The following MFHAS1 variants were observed in gnomAD, a reference collection of about 807,000 sequenced individuals.
The protein encoded by MFHAS1 is multifunctional ROCO family signaling regulator 1.
Under a neutral mutation model 70.4 loss-of-function variants are expected in MFHAS1, and 50 were observed. That is an observed-to-expected ratio of 0.71 (90% CI 0.57 to 0.90). MFHAS1 has a LOEUF of 0.90. Among genes scored for constraint, MFHAS1 ranks in the 40% least tolerant of loss-of-function variants. The pLI, the probability that MFHAS1 is intolerant of heterozygous loss-of-function variation, is 0.00. For synonymous variants in MFHAS1, 952 were observed against 620.0 expected (o/e 1.54, Z -7.96); for missense variants, 1,795 against 1,347.6 (o/e 1.33, Z -5.20).
chr8:8,785,115 C>G lies in MFHAS1; in HGVS notation c.*907G>C, dbSNP rs976515300. ...GCAGAGCACTTTGTAAGATTCAGAA[C>G]TGACTCCTGATTATCTTAAGCCATT... On this transcript the variant is annotated 3_prime_UTR_variant, in exon 3 of 3. Transcript: ENST00000276282. 6.6e-6 allele frequency: 1 copy of G among 152,182 alleles called. No individual in the cohort carries two copies. The highest frequency in any genetic ancestry group is 2.4e-5 in the African/African-American group (1 of 41,434). The allele number at this position is 152,182 out of a possible 1,614,324, so 9.4% of individuals were successfully genotyped here.
intron 2 of MFHAS1, among the ~76,000 whole-genome samples, chr8:8,792,622 A>C (rs1429414658): frequency 1.3e-5 from 2 of 152,186 alleles, no homozygotes; most frequent in African/African-American, 4.8e-5. Flanking sequence ...ATAACCAAAA[A>C]AACAAACCAA....
intron 1 of MFHAS1, among the ~76,000 whole-genome samples, chr8:8,817,385 A>G (rs888341344): frequency 6.6e-6 from 1 of 152,256 alleles, no homozygotes; most frequent in Non-Finnish European, 1.5e-5. Context: ...CATTTGAAAT[A>G]AAAAGTATGG....
At chr8:8,849,160 A>G (rs1585050416) in intron 1 of MFHAS1, among the ~76,000 whole-genome samples, 3 of 133,762 alleles carry the variant, frequency 2.2e-5, no homozygotes, top group African/African-American at 8.4e-5. Flanking sequence ...AGCTCACTGC[A>G]ACCTCTGCCT....
chr8:8,839,704 G>C (rs534956883), intron 1 of MFHAS1, among the ~76,000 whole-genome samples: 1 of 152,154 alleles, frequency 6.6e-6, no homozygotes, highest in African/African-American at 2.4e-5. Context: ...AGGTCTGGCT[G>C]AAATAACGTA....
chr8:8,817,822 A>T (rs576399433), intron 1 of MFHAS1, among the ~76,000 whole-genome samples: 1 of 152,166 alleles, frequency 6.6e-6, no homozygotes, highest in Non-Finnish European at 1.5e-5. Flanking sequence ...TCAAGCTCCT[A>T]TGAGAACCTA....
At chr8:8,790,379 T>G in intron 2 of MFHAS1, 1 of 985,120 alleles carries the variant, frequency 1.0e-6, no homozygotes, top group Non-Finnish European at 1.2e-6. Flanking sequence ...AATGATGGCA[T>G]AAGGAAAAGA....
At chr8:8,872,448 T>A (rs1809114716) in intron 1 of MFHAS1, among the ~76,000 whole-genome samples, 1 of 152,238 alleles carries the variant, frequency 6.6e-6, no homozygotes, top group African/African-American at 2.4e-5. Context: ...TGGGGCCGGA[T>A]GCATGGCAGT....
intron 1 of MFHAS1, among the ~76,000 whole-genome samples, chr8:8,870,145 A>C (rs1809019970): frequency 6.6e-6 from 1 of 152,152 alleles, no homozygotes; most frequent in Non-Finnish European, 1.5e-5. Context: ...TTAGCTAGTG[A>C]ATAGATAGGC....
chr8:8,830,688 C>T (rs1346300274), intron 1 of MFHAS1, among the ~76,000 whole-genome samples: 4 of 152,152 alleles, frequency 2.6e-5, no homozygotes, highest in African/African-American at 7.2e-5. Flanking sequence ...GTGCAACCTC[C>T]GCCACCCGGT....
chr8:8,841,324 A>G (rs1203728185), intron 1 of MFHAS1, among the ~76,000 whole-genome samples: 1 of 151,848 alleles, frequency 6.6e-6, no homozygotes, highest in African/African-American at 2.4e-5. Context: ...AAAATACAAA[A>G]ATGAGCTGGG....
chr8:8,857,194 A>C (rs969660570), intron 1 of MFHAS1, among the ~76,000 whole-genome samples: 3 of 152,162 alleles, frequency 2.0e-5, no homozygotes, highest in African/African-American at 7.2e-5. Flanking sequence ...TAAAGATTTA[A>C]ACAGAAAGTT....
chr8:8,871,587 T>C lies in MFHAS1; in HGVS notation c.2998+18474A>G, dbSNP rs117937830. On this transcript the variant is annotated intron_variant, in intron 1 of 2. Coordinates refer to ENST00000276282, the MANE Select transcript of MFHAS1 (RefSeq NM_004225.3). ...AAACTACTTGGGGACTTGACATCTA[T>C]TCATTCATTTCCCCCTCACAACATC... Among the ~76,000 whole-genome samples, 48 of 152,316 alleles carry C rather than the reference T, an allele frequency of 3.2e-4. No homozygotes were observed. In the East Asian group the frequency reaches 8.3e-3, roughly 26 times the overall value.
At chr8:8,824,974 G>A (rs2117311151) in intron 1 of MFHAS1, among the ~76,000 whole-genome samples, 1 of 152,314 alleles carries the variant, frequency 6.6e-6, no homozygotes, top group Admixed American at 6.5e-5. Flanking sequence ...AGGTTCCCAG[G>A]CTAGACTCCT....
rs1233073267 is a variant in MFHAS1 at position 8,891,565 on chromosome 8, G to C, written c.1494C>G (p.Tyr498Ter). ...AGGTGGCCAAGTTGACCACCAGCAC[G>C]TATAGGGCCCCTGGGGACAGGAAGA... ...QPFFLSPGAL[Y>*]VLVVNLATYE... Residue 498 changes from tyrosine to a stop codon, truncating the protein, a stop_gained, in exon 1 of 3, where the codon TAC (tyrosine) becomes TAG (stop). Transcript: ENST00000276282. LOFTEE classifies it high-confidence loss of function. The surrounding 1 kb of genome is among the most constrained non-coding windows in gnomAD (Gnocchi z 5.4). The C allele has an allele frequency of 6.2e-7, 1 of 1,613,242 alleles. No homozygotes were observed. Among genetic ancestry groups the C allele is most frequent in the Admixed American group, 1.7e-5 (1 of 60,034 alleles).
At chr8:8,788,273 A>T (rs760923890) in intron 2 of MFHAS1, among the ~76,000 whole-genome samples, 9 of 152,280 alleles carry the variant, frequency 5.9e-5, no homozygotes, top group Non-Finnish European at 1.2e-4. Flanking sequence ...ACTAGAGGAT[A>T]ATTACTCAAC....
chr8:8,851,141 T>G (rs1808235618), intron 1 of MFHAS1, among the ~76,000 whole-genome samples: 1 of 152,228 alleles, frequency 6.6e-6, no homozygotes, highest in African/African-American at 2.4e-5. Context: ...AAATACATTT[T>G]TCTCTTTTTC....
chr8:8,858,452 G>A (rs1235820223), intron 1 of MFHAS1, among the ~76,000 whole-genome samples: 3 of 152,010 alleles, frequency 2.0e-5, no homozygotes, highest in Admixed American at 6.6e-5. Flanking sequence ...TTGGAGCCTA[G>A]GAAGGGTTCA....
chr8:8,845,718 T>C (rs536553144), intron 1 of MFHAS1, among the ~76,000 whole-genome samples: 1 of 152,188 alleles, frequency 6.6e-6, no homozygotes, highest in African/African-American at 2.4e-5. Flanking sequence ...TAGAAAAGCA[T>C]AGAGAAGACT....
chr8:8,850,946 G>A (rs1396280499), intron 1 of MFHAS1, among the ~76,000 whole-genome samples: 1 of 151,994 alleles, frequency 6.6e-6, no homozygotes, highest in Non-Finnish European at 1.5e-5. Context: ...CCAGCTAGCA[G>A]GTTCCATATT....
Sources: gnomAD v4.1 joint callset for allele counts (sites outside exome capture counted in the v4.1 genomes callset) on GRCh38, gnomAD v4.1.1 for gene constraint, Gnocchi (gnomAD v3.1) non-coding constraint, MANE v1.5 for transcripts, NCBI Gene and HGNC (gene_info 2026-07-23, HGNC 2026-07-21) for gene names.